Variants in C14orf132 observed in about 807,000 individuals in gnomAD.
The protein encoded by C14orf132 is uncharacterized protein C14orf132.
In C14orf132, 6 loss-of-function variants were observed where a neutral mutation model predicts 5.8. That is an observed-to-expected ratio of 1.03 (90% confidence interval 0.57 to 2.04). The LOEUF is 2.04. C14orf132 is among the 30% of genes most tolerant of loss of function. The pLI, the probability that C14orf132 is intolerant of heterozygous loss-of-function variation, is 0.00. For missense variants in C14orf132, 125 were observed against 115.8 expected, an observed-to-expected ratio of 1.08 and a Z score of -0.37; for synonymous variants, 51 against 49.8, an observed-to-expected ratio of 1.02 and a Z score of -0.10.
chr14:96,083,884 G>A (rs1275565952), intron 1 of C14orf132, among the ~76,000 whole-genome samples: 2 of 152,194 alleles, frequency 1.3e-5, no homozygotes, highest in African/African-American at 4.8e-5. Flanking sequence ...AGAGGCTGGA[G>A]GGCATCACCC....
At chr14:96,060,167 C>T (rs574378803) in intron 1 of C14orf132, among the ~76,000 whole-genome samples, 22 of 152,198 alleles carry the variant, frequency 1.4e-4, no homozygotes, top group Non-Finnish European at 2.6e-4. Flanking sequence ...TTCTCCCTCC[C>T]TATCGGCTAG....
chr14:96,077,739 C>T (rs1018981852), intron 1 of C14orf132, among the ~76,000 whole-genome samples: 1 of 152,160 alleles, frequency 6.6e-6, no homozygotes, highest in South Asian at 2.1e-4. Context: ...TTTGTTTTGG[C>T]AGTTTGGGTC....
intron 1 of C14orf132, among the ~76,000 whole-genome samples, chr14:96,063,172 G>A (rs1387866017): frequency 2.6e-5 from 4 of 152,152 alleles, no homozygotes; most frequent in African/African-American, 9.7e-5. Flanking sequence ...AGCTGGGGCG[G>A]GTCTCAGGCC....
chr14:96,068,926 A>G (rs1335234738), intron 1 of C14orf132, among the ~76,000 whole-genome samples: 1 of 152,004 alleles, frequency 6.6e-6, no homozygotes, highest in Non-Finnish European at 1.5e-5. Context: ...CAACCAGTCC[A>G]CTGAGGGAGA....
At position 96,086,841 on chromosome 14, in the gene C14orf132, GGGC is replaced by G; in HGVS notation, c.*113_*115del. On this transcript the variant is annotated 3_prime_UTR_variant, in exon 2 of 2. Coordinates refer to ENST00000555004, the MANE Select transcript of C14orf132 (RefSeq NM_001252507.3). ...TTCTAGAACCAGGAGTTTTGACCAGGGGCGGCGGCCGTCCTTCTGGAATTTCTC... is the reference window on the plus strand; with the variant it reads ...TTCTAGAACCAGGAGTTTTGACCAGGGGCGGCCGTCCTTCTGGAATTTCTC... 1 of 1,141,088 alleles carries G rather than the reference GGGC, an allele frequency of 8.8e-7. No individual in the cohort carries two copies. The highest frequency in any genetic ancestry group is 1.2e-6 in the Non-Finnish European group (1 of 819,956). The allele number at this position is 1,141,088 out of a possible 1,614,324, so 70.7% of individuals were successfully genotyped here. A position where few individuals can be genotyped will look rare whatever the true frequency, so the allele number is the denominator to read the frequency against.
intron 1 of C14orf132, among the ~76,000 whole-genome samples, chr14:96,061,712 G>A (rs1009839539): frequency 6.6e-6 from 1 of 152,072 alleles, no homozygotes; most frequent in Non-Finnish European, 1.5e-5. Flanking sequence ...ATGGCTTGAG[G>A]CCAGGAGCTG....
rs528760806 is a variant in C14orf132 at position 96,087,993 on chromosome 14, G to C, written c.*1258G>C. ...CTTCCCAAGGCAGCATCCCAGTGCAGATAGAGTGGGAAAGGTCCCAGAAGG... is the reference window on the plus strand; with the variant it reads ...CTTCCCAAGGCAGCATCCCAGTGCACATAGAGTGGGAAAGGTCCCAGAAGG... On this transcript the variant is annotated 3_prime_UTR_variant, in exon 2 of 2. Coordinates refer to ENST00000555004, the MANE Select transcript of C14orf132 (RefSeq NM_001252507.3). 1.5e-5 allele frequency: 2 copies of C among 132,582 alleles called. No homozygotes were observed. Among genetic ancestry groups the C allele is most frequent in the East Asian group, 5.0e-4 (2 of 4,022 alleles). The allele number at this position is 132,582 out of a possible 1,614,324, so 8.2% of individuals were successfully genotyped here.
At chr14:96,080,574 C>T (rs58403714) in intron 1 of C14orf132, among the ~76,000 whole-genome samples, 2 of 152,048 alleles carry the variant, frequency 1.3e-5, no homozygotes, top group African/African-American at 4.8e-5. Context: ...CTTCTGAAAC[C>T]GTTTTCCGTT....
Position 96,087,029 on chromosome 14 carries a change from A to T in C14orf132, c.*294A>T. ...CATTCCAGGAACATGGGACCAGATG[A>T]GACAGCTAGTTAAGTTTAAAACATA... On this transcript the variant is annotated 3_prime_UTR_variant, in exon 2 of 2. Coordinates refer to ENST00000555004, the MANE Select transcript of C14orf132 (RefSeq NM_001252507.3). 2 of 464,626 alleles carry T rather than the reference A, an allele frequency of 4.3e-6. No individual in the cohort carries two copies. Among genetic ancestry groups the T allele is most frequent in the Non-Finnish European group, 7.7e-6 (2 of 258,216 alleles). The allele number at this position is 464,626 out of a possible 1,614,324, so 28.8% of individuals were successfully genotyped here. A position where few individuals can be genotyped will look rare whatever the true frequency, so the allele number is the denominator to read the frequency against.
intron 1 of C14orf132, among the ~76,000 whole-genome samples, chr14:96,085,698 G>A (rs1235528168): frequency 3.9e-5 from 6 of 152,248 alleles, no homozygotes; most frequent in African/African-American, 1.4e-4. Flanking sequence ...ATTGTGTGTC[G>A]GGGAGTCTGC....
chr14:96,063,835 T>A (rs1887435792), intron 1 of C14orf132, among the ~76,000 whole-genome samples: 1 of 152,078 alleles, frequency 6.6e-6, no homozygotes, highest in African/African-American at 2.4e-5. Flanking sequence ...GACAAAGGAC[T>A]AATATCCAGA....
rs755530241 is a variant in C14orf132 at position 96,070,596 on chromosome 14, T to TCTCTCTCACA, written c.28-15914_28-15913insTCTCTCACAC. Among the ~76,000 whole-genome samples, 75 of 142,662 alleles carry TCTCTCTCACA rather than the reference T, an allele frequency of 5.3e-4. 3 individuals are homozygous for TCTCTCTCACA. The South Asian group carries it at 0.012, about 22-fold the overall frequency. The allele number at this position is 142,662 out of a possible 152,430, so 93.6% of individuals were successfully genotyped here. A position where few individuals can be genotyped will look rare whatever the true frequency, so the allele number is the denominator to read the frequency against. ...GGTAGATGAAGTCTCTCTCTCTCTC[T>TCTCTCTCACA]CACACACACACACACACACACACAC... is the stretch of plus-strand genomic sequence containing the variant. On this transcript the variant is annotated intron_variant, in intron 1 of 1. Coordinates refer to ENST00000555004, the MANE Select transcript of C14orf132 (RefSeq NM_001252507.3).
At chr14:96,071,183 G>T (rs1595183781) in intron 1 of C14orf132, among the ~76,000 whole-genome samples, 1 of 152,142 alleles carries the variant, frequency 6.6e-6, no homozygotes, top group Non-Finnish European at 1.5e-5. Context: ...TTCTTCACAT[G>T]ATGGCAGGAA....
intron 1 of C14orf132, among the ~76,000 whole-genome samples, chr14:96,071,857 GC>G (rs1032280939): frequency 1.3e-4 from 20 of 152,262 alleles, no homozygotes; most frequent in African/African-American, 4.8e-4. Flanking sequence ...TGCCTGTCCA[GC>G]CCTGGGCCTT....
intron 1 of C14orf132, among the ~76,000 whole-genome samples, chr14:96,055,870 G>T (rs1045857538): frequency 6.6e-6 from 1 of 152,160 alleles, no homozygotes; most frequent in African/African-American, 2.4e-5. Flanking sequence ...CCTGCCAAGT[G>T]GGGCAGAATC....
At chr14:96,057,818 A>C (rs1264525582) in intron 1 of C14orf132, among the ~76,000 whole-genome samples, 1 of 152,162 alleles carries the variant, frequency 6.6e-6, no homozygotes, top group Non-Finnish European at 1.5e-5. Flanking sequence ...AAGGAAGCTC[A>C]ACTCCACCCC....
Position 96,090,977 on chromosome 14 carries a change from G to A in C14orf132, c.*4242G>A, listed in dbSNP as rs1435985518. On this transcript the variant is annotated 3_prime_UTR_variant, in exon 2 of 2. Transcript: ENST00000555004. Reference sequence around the variant, plus strand: ...TATTATTCTTACCGGTGCCAGTTTTGCACATCTTTTTGTTGCTCTATTTGT... The same window carrying A: ...TATTATTCTTACCGGTGCCAGTTTTACACATCTTTTTGTTGCTCTATTTGT... 4.4e-6 allele frequency: 2 copies of A among 456,020 alleles called. No homozygotes were observed. The highest frequency in any genetic ancestry group is 8.8e-6 in the Non-Finnish European group (2 of 226,814). 28.2% of individuals were successfully genotyped at this position (456,020 alleles called of 1,614,324 possible).
intron 1 of C14orf132, chr14:96,040,211 A>G (rs1049327276): frequency 2.7e-6 from 1 of 366,176 alleles, no homozygotes; most frequent in Non-Finnish European, 4.8e-6. Context: ...CCTCCGGCAG[A>G]ATGCCCTGGA....
At chr14:96,080,167 G>A (rs536576337) in intron 1 of C14orf132, among the ~76,000 whole-genome samples, 223 of 152,178 alleles carry the variant, frequency 1.5e-3, no homozygotes, top group Non-Finnish European at 2.6e-3. Context: ...TTAGTATTGG[G>A]CAGGGACTTC....
Sources: gnomAD v4.1 joint callset for allele counts (sites outside exome capture counted in the v4.1 genomes callset) on GRCh38, gnomAD v4.1.1 for gene constraint, MANE v1.5 for transcripts, NCBI Gene and HGNC (gene_info 2026-07-23, HGNC 2026-07-21) for gene names.